EXOC4: variants seen among roughly 807,000 people sequenced by gnomAD.
The protein encoded by EXOC4 is exocyst complex component 4.
EXOC4 carries 71 observed loss-of-function variants against 107.2 expected under a neutral mutation model. That is an observed-to-expected ratio of 0.66 (90% confidence interval 0.55 to 0.81). The LOEUF (loss-of-function observed/expected upper bound fraction) is 0.81. EXOC4 is among the 30% of genes least tolerant of loss of function. The probability of loss-of-function intolerance (pLI) is 0.00; values close to 1 mark genes in which losing one functional copy is unlikely to be tolerated. For missense variants in EXOC4, 1,108 were observed against 1,189.6 expected (o/e 0.93, Z 1.01); for synonymous variants, 456 against 441.2 (o/e 1.03, Z -0.42).
At chr7:133,714,311 G>A (rs373674954) in intron 10 of EXOC4, among the ~76,000 whole-genome samples, 101 of 152,194 alleles carry the variant, frequency 6.6e-4, no homozygotes, top group African/African-American at 2.1e-3. Flanking sequence ...GCCTACTGAC[G>A]GAGAGGTCAC....
At chr7:134,033,427 C>T (rs1282832375) in intron 17 of EXOC4, among the ~76,000 whole-genome samples, 1 of 152,104 alleles carries the variant, frequency 6.6e-6, no homozygotes, top group East Asian at 1.9e-4. Flanking sequence ...CCCAGCCTGA[C>T]AGTTGGCATC....
chr7:133,289,109 A>G lies in EXOC4; in HGVS notation c.464A>G (p.Asp155Gly). Residue 155 changes from aspartate (D) to glycine (G), a missense_variant, in exon 3 of 18, where the codon GAC becomes GGC. By Grantham distance (94) the Asp-to-Gly change is moderately conservative. Transcript: ENST00000253861. ...MASKHYLSATDMLVSAVESLE... is the reference protein window; with the variant it reads ...MASKHYLSATGMLVSAVESLE... The stretch of plus-strand genomic sequence containing the variant: ...AGCAAGCACTATCTCAGTGCCACTG[A>G]CATGTTGGTAAGAGAACAGCCTGTG... 6.2e-7 allele frequency: 1 copy of G among 1,613,886 alleles called. No homozygotes were observed. Among genetic ancestry groups the G allele is most frequent in the South Asian group, 1.1e-5 (1 of 91,050 alleles).
rs369440364 is a variant in EXOC4 at position 133,797,484 on chromosome 7, A to G, written c.1515-19841A>G. On this transcript the variant is annotated intron_variant, in intron 10 of 17. Coordinates refer to ENST00000253861, the MANE Select transcript of EXOC4 (RefSeq NM_021807.4). ...AGGTGACAAGGTCTAGAGCAGTGCT[A>G]CATAACTACTTTTTTAAATTCACAG... 3.1e-4 allele frequency among the ~76,000 whole-genome samples: 47 copies of G among 152,328 alleles called. No homozygotes were observed. In the East Asian group the frequency reaches 4.4e-3, roughly 14 times the overall value.
chr7:133,984,147 G>C (rs2116927429), intron 14 of EXOC4, among the ~76,000 whole-genome samples: 2 of 152,280 alleles, frequency 1.3e-5, no homozygotes, highest in Middle Eastern at 3.4e-3. Context: ...GGGGACCTAG[G>C]GCTTGCTCAG....
intron 5 of EXOC4, among the ~76,000 whole-genome samples, chr7:133,326,336 G>T (rs1795240057): frequency 6.6e-6 from 1 of 152,118 alleles, no homozygotes; most frequent in Middle Eastern, 3.2e-3. Context: ...CATCTTTGTG[G>T]TTTTATCTGC....
intron 4 of EXOC4, among the ~76,000 whole-genome samples, chr7:133,309,814 C>G (rs1247176518): frequency 6.6e-6 from 1 of 152,076 alleles, no homozygotes; most frequent in Non-Finnish European, 1.5e-5. Flanking sequence ...GTGGTACGTG[C>G]CTGTAGTCCC....
the EXOC4 span, among the ~76,000 whole-genome samples, chr7:134,090,926 C>T: frequency 6.6e-6 from 1 of 151,950 alleles, no homozygotes; most frequent in Non-Finnish European, 1.5e-5. Flanking sequence ...GAGACTCTAA[C>T]TCCTGTAAGT....
At chr7:133,902,794 G>T (rs1799482227) in intron 12 of EXOC4, among the ~76,000 whole-genome samples, 1 of 151,948 alleles carries the variant, frequency 6.6e-6, no homozygotes, top group South Asian at 2.1e-4. Context: ...GGCAGAGGTT[G>T]CAGTGAGCCG....
At chr7:133,351,288 T>C (rs1795903815) in intron 5 of EXOC4, among the ~76,000 whole-genome samples, 1 of 152,042 alleles carries the variant, frequency 6.6e-6, no homozygotes, top group Non-Finnish European at 1.5e-5. Context: ...TCTTTAAATG[T>C]TTGGTAGAAT....
intron 10 of EXOC4, among the ~76,000 whole-genome samples, chr7:133,697,888 C>G (rs528739214): frequency 3.3e-5 from 5 of 152,246 alleles, no homozygotes; most frequent in South Asian, 2.1e-4. Context: ...GATTCTTGCT[C>G]TAATTGGATT....
At chr7:133,515,623 C>G (rs1252497803) in intron 9 of EXOC4, among the ~76,000 whole-genome samples, 1 of 152,062 alleles carries the variant, frequency 6.6e-6, no homozygotes. Flanking sequence ...CAAGAGCCAA[C>G]ATGTCTGGCT....
intron 17 of EXOC4, among the ~76,000 whole-genome samples, chr7:134,036,258 GAGCA>G (rs1378114868): frequency 6.6e-6 from 1 of 152,130 alleles, no homozygotes; most frequent in Non-Finnish European, 1.5e-5. Context: ...TATAGAAAGA[GAGCA>G]TCCTTCTCTC....
chr7:133,771,718 G>A (rs527332503), intron 10 of EXOC4, among the ~76,000 whole-genome samples: 10 of 151,948 alleles, frequency 6.6e-5, no homozygotes, highest in South Asian at 2.1e-4. Flanking sequence ...TGCTACAGTC[G>A]CTCTTTATTG....
chr7:134,048,100 G>A (rs1458291098), intron 17 of EXOC4, among the ~76,000 whole-genome samples: 2 of 152,174 alleles, frequency 1.3e-5, no homozygotes, highest in Admixed American at 6.5e-5. Context: ...TCCCAAGTGG[G>A]GGCCACAAGA....
rs541944136 is a variant in EXOC4, at chr7:133,944,568, C to T, written c.2206+6499C>T. Reference sequence around the variant, plus strand: ...TCCAATTTGTGTAGTCCTCTCTAGGCAGTTCCTTCCAAATTTTGGATTGAC... The same window carrying T: ...TCCAATTTGTGTAGTCCTCTCTAGGTAGTTCCTTCCAAATTTTGGATTGAC... On this transcript the variant is annotated intron_variant, in intron 14 of 17. Coordinates refer to ENST00000253861, the MANE Select transcript of EXOC4 (RefSeq NM_021807.4). Among the ~76,000 whole-genome samples the T allele has an allele frequency of 4.6e-5, 7 of 152,296 alleles. No homozygotes were observed. The East Asian group carries it at 1.4e-3, about 29-fold the overall frequency.
At chr7:133,998,695 T>G (rs1794455419) in intron 15 of EXOC4, among the ~76,000 whole-genome samples, 1 of 152,124 alleles carries the variant, frequency 6.6e-6, no homozygotes. Flanking sequence ...TCAGATGTCA[T>G]AGAAGCCATG....
chr7:133,455,835 A>C (rs1798451203), intron 7 of EXOC4, among the ~76,000 whole-genome samples: 1 of 152,236 alleles, frequency 6.6e-6, no homozygotes, highest in Non-Finnish European at 1.5e-5. Flanking sequence ...CAAACATCAA[A>C]AGTAACAGAA....
chr7:133,493,135 G>C (rs1167857245), intron 9 of EXOC4, among the ~76,000 whole-genome samples: 1 of 152,158 alleles, frequency 6.6e-6, no homozygotes, highest in Non-Finnish European at 1.5e-5. Context: ...GTTTAAAACT[G>C]TGCCTTGGGC....
chr7:133,901,383 A>G (rs1368600667), intron 12 of EXOC4, among the ~76,000 whole-genome samples: 1 of 152,132 alleles, frequency 6.6e-6, no homozygotes, highest in Non-Finnish European at 1.5e-5. Flanking sequence ...ACTTCCTTGT[A>G]TGTTGACATC....
Sources: allele counts gnomAD v4.1 joint callset (sites outside exome capture counted in the v4.1 genomes callset), GRCh38; gene constraint gnomAD v4.1.1; transcripts MANE v1.5; gene names NCBI Gene and HGNC (gene_info 2026-07-23, HGNC 2026-07-21).